CACNA1C: variants seen among roughly 807,000 people sequenced by gnomAD.
CACNA1C encodes calcium voltage-gated channel subunit alpha1 C.
CACNA1C carries 30 observed loss-of-function variants against 229.0 expected under a neutral mutation model. That is an observed-to-expected ratio of 0.13 (90% CI 0.10 to 0.18). The LOEUF (loss-of-function observed/expected upper bound fraction) is 0.18, where lower values mean the gene tolerates loss of function less well. Among genes scored for constraint, CACNA1C ranks in the 10% least tolerant of loss-of-function variants. The pLI, the probability that CACNA1C is intolerant of heterozygous loss-of-function variation, is 1.00. For missense variants in CACNA1C, 1,658 were observed against 2,845.0 expected, an observed-to-expected ratio of 0.58 and a Z score of 9.49; for synonymous variants, 1,114 against 1,132.5, an observed-to-expected ratio of 0.98 and a Z score of 0.33.
intron 3 of CACNA1C, among the ~76,000 whole-genome samples, chr12:2,165,281 A>G (rs2096152970): frequency 6.6e-6 from 1 of 152,224 alleles, no homozygotes; most frequent in Non-Finnish European, 1.5e-5. Context: ...ATAAGAAACT[A>G]TTTTAACAAG....
chr12:2,146,221 C>G (rs2094692353), intron 3 of CACNA1C, among the ~76,000 whole-genome samples: 1 of 150,870 alleles, frequency 6.6e-6, no homozygotes, highest in Non-Finnish European at 1.5e-5. Context: ...GAGACAAGAA[C>G]CAGTTTGAGA....
intron 8 of CACNA1C, among the ~76,000 whole-genome samples, chr12:2,505,934 T>C (rs1270062834): frequency 1.3e-5 from 2 of 152,074 alleles, no homozygotes; most frequent in African/African-American, 2.4e-5. Context: ...GAGAGGTTAA[T>C]GCTGGGAGAA....
At chr12:2,247,540 C>G (rs1003430179) in intron 3 of CACNA1C, among the ~76,000 whole-genome samples, 7 of 152,170 alleles carry the variant, frequency 4.6e-5, no homozygotes, top group Non-Finnish European at 1.0e-4. Context: ...CTTCATCCGC[C>G]TGGTGGGCAC....
At chr12:1,979,808 AGTATGT>A (rs2035583255) in intron 1 of CACNA1C, among the ~76,000 whole-genome samples, 1 of 152,232 alleles carries the variant, frequency 6.6e-6, no homozygotes, top group African/African-American at 2.4e-5. Context: ...CATTCTAAGG[AGTATGT>A]GATATTCTTA....
intron 1 of CACNA1C, among the ~76,000 whole-genome samples, chr12:2,001,681 T>C (rs2042224333): frequency 6.6e-6 from 1 of 152,230 alleles, no homozygotes; most frequent in African/African-American, 2.4e-5. Context: ...TGGGTCTCAT[T>C]ATCCAGAGGT....
At chr12:2,194,345 C>T (rs2097337389) in intron 3 of CACNA1C, among the ~76,000 whole-genome samples, 1 of 151,262 alleles carries the variant, frequency 6.6e-6, no homozygotes, top group Non-Finnish European at 1.5e-5. Context: ...TGCTCTTCCT[C>T]CCTCTCCTCC....
At chr12:2,013,086 A>G (rs2044713768) in intron 1 of CACNA1C, among the ~76,000 whole-genome samples, 1 of 152,160 alleles carries the variant, frequency 6.6e-6, no homozygotes, top group Admixed American at 6.5e-5. Context: ...AATACAGCAA[A>G]ATGATTGCAA....
rs199893167 is a variant in CACNA1C at position 2,486,070 on chromosome 12, A to C, written c.758-34A>C. ...ATGGCGTCAGCACGGTACCGCGGTG[A>C]TGCTTGGTTCAGTGAGTGGCTCTGT... On this transcript the variant is annotated intron_variant, in intron 5 of 46. Coordinates refer to ENST00000399655, the MANE Select transcript of CACNA1C (RefSeq NM_000719.7). The surrounding 1 kb of genome is among the most constrained non-coding windows in gnomAD (Gnocchi z 4.9). The C allele has an allele frequency of 6.4e-6, 10 of 1,559,574 alleles. No homozygotes were observed. Among genetic ancestry groups the C allele is most frequent in the Non-Finnish European group, 7.8e-6 (9 of 1,149,106 alleles).
chr12:2,524,085 G>A (rs1180298918), intron 9 of CACNA1C, among the ~76,000 whole-genome samples: 1 of 152,164 alleles, frequency 6.6e-6, no homozygotes, highest in Non-Finnish European at 1.5e-5. Flanking sequence ...CCATCGTCGG[G>A]TGCATGGCAT....
chr12:2,468,146 G>A (rs1027690541), intron 5 of CACNA1C, among the ~76,000 whole-genome samples: 1 of 152,232 alleles, frequency 6.6e-6, no homozygotes, highest in African/African-American at 2.4e-5. Flanking sequence ...AGAGGTTACT[G>A]AGTATCAACA....
chr12:2,516,645 A>G (rs2099797415), intron 9 of CACNA1C, among the ~76,000 whole-genome samples: 2 of 152,172 alleles, frequency 1.3e-5, no homozygotes, highest in South Asian at 4.1e-4. Flanking sequence ...GCATTTTCCA[A>G]GGCAATTGTC....
At chr12:2,249,295 T>G (rs1405758271) in intron 3 of CACNA1C, among the ~76,000 whole-genome samples, 2 of 152,134 alleles carry the variant, frequency 1.3e-5, no homozygotes, top group African/African-American at 4.8e-5. Context: ...ACAGGCCACA[T>G]CCGGCCTGCC....
chr12:2,429,432 C>G (rs191174106), intron 3 of CACNA1C, among the ~76,000 whole-genome samples: 3 of 152,298 alleles, frequency 2.0e-5, no homozygotes, highest in Admixed American at 2.0e-4. Flanking sequence ...TCAGCAGGCA[C>G]ACACCAAGTT....
chr12:2,253,650 G>T (rs2076387852), intron 3 of CACNA1C, among the ~76,000 whole-genome samples: 1 of 152,150 alleles, frequency 6.6e-6, no homozygotes, highest in Non-Finnish European at 1.5e-5. Context: ...CTCGCAGGAG[G>T]GTGTTGAGGA....
In CACNA1C at chr12:2,618,658, C is replaced by T. The variant is rs1188673587; in HGVS notation, c.3828+6645C>T. ...ATCCATCAGGCCTGAGCTGAGCCTG[C>T]CCCGGAGGCAGGAGAGACTCCGATG... On this transcript the variant is annotated intron_variant, in intron 29 of 46. Coordinates refer to ENST00000399655, the MANE Select transcript of CACNA1C (RefSeq NM_000719.7). 3.9e-5 allele frequency among the ~76,000 whole-genome samples: 6 copies of T among 152,364 alleles called. No individual in the cohort carries two copies. The East Asian group carries it at 9.7e-4, about 25-fold the overall frequency.
intron 3 of CACNA1C, among the ~76,000 whole-genome samples, chr12:2,443,209 C>T (rs1325865335): frequency 6.6e-6 from 1 of 152,160 alleles, no homozygotes; most frequent in Non-Finnish European, 1.5e-5. Context: ...TTACAAGATA[C>T]AATGGGAATA....
At chr12:2,444,872 G>A (rs2099262979) in intron 3 of CACNA1C, among the ~76,000 whole-genome samples, 2 of 152,080 alleles carry the variant, frequency 1.3e-5, no homozygotes, top group South Asian at 4.2e-4. Context: ...CATGATCTCT[G>A]CATGGGTCAC....
chr12:2,258,781 C>T lies in CACNA1C; in HGVS notation c.477+138351C>T, dbSNP rs2078953562. On this transcript the variant is annotated intron_variant, in intron 3 of 46. Coordinates refer to ENST00000399655, the MANE Select transcript of CACNA1C (RefSeq NM_000719.7). ...CTTATTATTGTAGATATGTGAGCAT[C>T]AGCTCCTTAAAGTTACCGAATATTT... 2.0e-5 allele frequency among the ~76,000 whole-genome samples: 3 copies of T among 152,314 alleles called. No individual in the cohort carries two copies. The South Asian group carries it at 6.2e-4, about 32-fold the overall frequency.
chr12:2,676,434 G>A, intron 39 of CACNA1C: 1 of 152,390 alleles, frequency 6.6e-6, no homozygotes, highest in East Asian at 1.9e-4. Context: ...CCCCAGGCAT[G>A]AAATGTTTCC....
Sources: allele counts gnomAD v4.1 joint callset (sites outside exome capture counted in the v4.1 genomes callset), GRCh38; gene constraint gnomAD v4.1.1; non-coding constraint Gnocchi (gnomAD v3.1); transcripts MANE v1.5; gene names NCBI Gene and HGNC (gene_info 2026-07-23, HGNC 2026-07-21).